Variants in MRPL34 observed in about 807,000 individuals in gnomAD.
MRPL34 encodes large ribosomal subunit protein bL34m.
In MRPL34, 8 loss-of-function variants were observed where a neutral mutation model predicts 6.7. That is an observed-to-expected ratio of 1.20 (90% CI 0.70 to 2.16). The LOEUF is 2.16. Ranked by LOEUF, MRPL34 falls within the 30% of genes most tolerant of loss-of-function variation. The probability of loss-of-function intolerance (pLI) is 0.00; values close to 1 mark genes in which losing one functional copy is unlikely to be tolerated. For missense variants in MRPL34, 146 were observed against 125.5 expected, an observed-to-expected ratio of 1.16 and a Z score of -0.78; for synonymous variants, 59 against 55.1, an observed-to-expected ratio of 1.07 and a Z score of -0.31.
upstream of MRPL34, chr19:17,301,397 C>A (rs749014928): frequency 1.9e-6 from 3 of 1,611,782 alleles, no homozygotes; most frequent in African/African-American, 2.7e-5. Context: ...CGGACCAAGC[C>A]GGAGAGGTCC....
chr19:17,301,031 C>A, upstream of MRPL34: 2 of 1,613,508 alleles, frequency 1.2e-6, no homozygotes, highest in South Asian at 2.2e-5. Flanking sequence ...ACAAAGAAGT[C>A]CAGCTGCTCC....
At chr19:17,297,044 T>C (rs1304073452) in intron 1 of MRPL34, among the ~76,000 whole-genome samples, 1 of 152,216 alleles carries the variant, frequency 6.6e-6, no homozygotes, top group Non-Finnish European at 1.5e-5. Flanking sequence ...ACAGTGACTG[T>C]ATGGCCTGCA....
Position 17,306,451 on chromosome 19 carries a change from T to G in MRPL34, c.*72T>G. ...CCTCGGACCTTGCCTGGCGCTATTT[T>G]TGCAGGGAGCTGGGGAGCAGGAACG... On this transcript the variant is annotated 3_prime_UTR_variant, in exon 2 of 2. Coordinates refer to ENST00000252602, the MANE Select transcript of MRPL34 (RefSeq NM_023937.4). 7.2e-7 allele frequency: 1 copy of G among 1,393,596 alleles called. No homozygotes were observed. Among genetic ancestry groups the G allele is most frequent in the Non-Finnish European group, 9.6e-7 (1 of 1,041,456 alleles). 86.3% of individuals were successfully genotyped at this position (1,393,596 alleles called of 1,614,324 possible).
intron 1 of MRPL34, among the ~76,000 whole-genome samples, chr19:17,295,625 C>A (rs772742052): frequency 1.1e-4 from 17 of 152,038 alleles, no homozygotes; most frequent in Admixed American, 2.6e-4. Context: ...TCAGGCTGGT[C>A]GAGAACTCCT....
At chr19:17,298,783 C>A (rs187696811), upstream of MRPL34, among the ~76,000 whole-genome samples, 2 of 123,964 alleles carry the variant, frequency 1.6e-5, no homozygotes, top group African/African-American at 6.2e-5. Context: ...CTCTGTTGCT[C>A]AGGCTGGAGT....
At chr19:17,304,537 C>T (rs1290813056), upstream of MRPL34, among the ~76,000 whole-genome samples, 3 of 152,202 alleles carry the variant, frequency 2.0e-5, no homozygotes, top group Non-Finnish European at 4.4e-5. Context: ...GCTGCTTGGC[C>T]ACTCACATCC....
intron 1 of MRPL34, among the ~76,000 whole-genome samples, chr19:17,295,315 C>T (rs2074089159): frequency 1.3e-5 from 2 of 151,934 alleles, no homozygotes; most frequent in African/African-American, 2.4e-5. Flanking sequence ...CCATGTTGGT[C>T]GGGCTGGTCT....
upstream of MRPL34, among the ~76,000 whole-genome samples, chr19:17,299,337 G>A (rs866950958): frequency 1.1e-4 from 16 of 151,594 alleles, no homozygotes; most frequent in South Asian, 2.3e-3. Context: ...CGAGGAGGGC[G>A]AATCACGAGG....
At chr19:17,301,432 G>A (rs1230406150), upstream of MRPL34, 1 of 1,612,116 alleles carries the variant, frequency 6.2e-7, no homozygotes, top group South Asian at 1.1e-5. Context: ...CGAGGATGCG[G>A]ATGATGGTGG....
upstream of MRPL34, among the ~76,000 whole-genome samples, chr19:17,299,713 G>GA (rs959706200): frequency 4.6e-5 from 7 of 151,038 alleles, no homozygotes; most frequent in African/African-American, 9.7e-5. Context: ...CTATTTAAAA[G>GA]AAAAAAAAAT....
chr19:17,305,768 T>C (rs1260079136), upstream of MRPL34: 2 of 967,454 alleles, frequency 2.1e-6, no homozygotes, highest in Non-Finnish European at 1.6e-6. Context: ...TTCAGGGTTT[T>C]CCCCAACGGC....
chr19:17,294,249 G>A, intron 1 of MRPL34: 1 of 1,584,132 alleles, frequency 6.3e-7, no homozygotes, highest in South Asian at 1.1e-5. Context: ...CAGCACCCTG[G>A]GGATTTGTAG....
chr19:17,298,520 T>G (rs1193183711), upstream of MRPL34: 4 of 152,112 alleles, frequency 2.6e-5, no homozygotes, highest in Admixed American at 6.6e-5. Context: ...ATTTTTTAAC[T>G]TAGTCTAAGG....
At chr19:17,305,642 C>T (rs1306344203), upstream of MRPL34, 3 of 551,344 alleles carry the variant, frequency 5.4e-6, no homozygotes, top group Non-Finnish European at 9.8e-6. Flanking sequence ...CTTGTGCGCA[C>T]GCGCTTGCTC....
chr19:17,295,697 T>C (rs1053375118), intron 1 of MRPL34, among the ~76,000 whole-genome samples: 1 of 151,996 alleles, frequency 6.6e-6, no homozygotes, highest in Non-Finnish European at 1.5e-5. Flanking sequence ...CATGAGCCAC[T>C]GGGCTGGCCT....
rs1023657482 is a variant in MRPL34, at chr19:17,306,495, T to C, written c.*116T>C. 2.1e-6 allele frequency: 2 copies of C among 945,040 alleles called. No homozygotes were observed. The highest frequency in any genetic ancestry group is 3.1e-6 in the Non-Finnish European group (2 of 650,298). The allele number at this position is 945,040 out of a possible 1,614,324, so 58.5% of individuals were successfully genotyped here. A position where few individuals can be genotyped will look rare whatever the true frequency, so the allele number is the denominator to read the frequency against. ...AGGAACGCCTCGGACCTGAGTGCTC[T>C]CCATATTGTGGGGTTGAAGTCTGGA... On this transcript the variant is annotated 3_prime_UTR_variant, in exon 2 of 2. Transcript: ENST00000252602.
At chr19:17,295,175 G>A (rs1314130544) in intron 1 of MRPL34, among the ~76,000 whole-genome samples, 1 of 135,746 alleles carries the variant, frequency 7.4e-6, no homozygotes, top group African/African-American at 2.8e-5. Context: ...GCGCAATCTC[G>A]GCTCACTGCA....
chr19:17,292,769 G>A, exon 1 of MRPL34: 1 of 1,613,736 alleles, frequency 6.2e-7, no homozygotes, highest in East Asian at 2.2e-5. Flanking sequence ...CCGTCTCAGG[G>A]CATTCCAGCA....
chr19:17,298,758 T>C (rs1190737220), upstream of MRPL34, among the ~76,000 whole-genome samples: 1 of 147,520 alleles, frequency 6.8e-6, no homozygotes, highest in Non-Finnish European at 1.5e-5. Flanking sequence ...TTTTTTTTTT[T>C]TGGGCAGAGT....
Sources: allele counts gnomAD v4.1 joint callset (sites outside exome capture counted in the v4.1 genomes callset), GRCh38; gene constraint gnomAD v4.1.1; transcripts MANE v1.5; gene names NCBI Gene and HGNC (gene_info 2026-07-23, HGNC 2026-07-21).